Variants in SPTBN4 observed in about 807,000 individuals in gnomAD.
The protein encoded by SPTBN4 is spectrin beta, non-erythrocytic 4.
SPTBN4 carries 96 observed loss-of-function variants against 277.8 expected under a neutral mutation model. The ratio of observed to expected loss-of-function variants is 0.35; its 90% CI spans 0.29 to 0.41. The LOEUF (loss-of-function observed/expected upper bound fraction) is 0.41. SPTBN4 is among the 10% of genes least tolerant of loss of function. The pLI, the probability that SPTBN4 is intolerant of heterozygous loss-of-function variation, is 1.00. For synonymous variants in SPTBN4, 1,481 were observed against 1,580.3 expected (o/e 0.94, Z 1.49); for missense variants, 3,006 against 3,595.7 (o/e 0.84, Z 4.19).
chr19:40,556,996 A>AGC, intron 25 of SPTBN4, 27 bp from the exon 26 acceptor site: 1 of 1,363,602 alleles, frequency 7.3e-7, no homozygotes, highest in Non-Finnish European at 9.8e-7. Context: ...ACTTTGCTGT[A>AGC]CCCCCCCCCC....
intron 33 of SPTBN4, 53 bp from the exon 34 acceptor site, chr19:40,571,965 AG>A (rs2081159540): frequency 6.7e-7 from 1 of 1,486,172 alleles, no homozygotes; most frequent in Admixed American, 2.3e-5. Flanking sequence ...GTTAATGAAG[AG>A]TTATTAGGCA....
intron 20 of SPTBN4, among the ~76,000 whole-genome samples, chr19:40,544,074 C>A (rs1241035125): frequency 6.6e-6 from 1 of 151,732 alleles, no homozygotes; most frequent in Non-Finnish European, 1.5e-5. Flanking sequence ...CATGTGCAAT[C>A]CACTATAAAT....
chr19:40,479,248 G>T (rs2079982084), intron 2 of SPTBN4, among the ~76,000 whole-genome samples: 1 of 152,076 alleles, frequency 6.6e-6, no homozygotes, highest in Non-Finnish European at 1.5e-5. Flanking sequence ...GAGCCCAGGA[G>T]TTTGAGACCG....
chr19:40,542,796 C>A (rs2145913903), intron 20 of SPTBN4, among the ~76,000 whole-genome samples: 1 of 151,862 alleles, frequency 6.6e-6, no homozygotes, highest in Admixed American at 6.6e-5. Context: ...TTCTTTCTTT[C>A]CTTTTTTTTT....
chr19:40,515,297 C>G lies in SPTBN4; in HGVS notation c.2766-14C>G. ...GCAGGGTTCGGGTGTCTGAGCATCT[C>G]CATCCTCCTGCAGATTCGAGAGCCT... On this transcript the variant is annotated splice_polypyrimidine_tract_variant and intron_variant, in intron 14 of 35. Transcript: ENST00000598249. This position sits in a 1 kb window ranked among gnomAD's most constrained non-coding sequence, Gnocchi z 4.1. The G allele has an allele frequency of 6.2e-7, 1 of 1,611,892 alleles. No homozygotes were observed. The highest frequency in any genetic ancestry group is 1.3e-5 in the African/African-American group (1 of 74,974).
intron 15 of SPTBN4, among the ~76,000 whole-genome samples, chr19:40,516,328 G>C (rs1390087486): frequency 6.6e-6 from 1 of 151,510 alleles, no homozygotes; most frequent in Non-Finnish European, 1.5e-5. Context: ...TTTGAGACAG[G>C]ATCTTGCTCT....
At chr19:40,553,851 G>C (rs2080945191) in intron 22 of SPTBN4, among the ~76,000 whole-genome samples, 1 of 152,174 alleles carries the variant, frequency 6.6e-6, no homozygotes. Flanking sequence ...TTGGCTCAGA[G>C]CACAGTCTCT....
In SPTBN4 at chr19:40,502,276, A is replaced by G; in HGVS notation, c.1046A>G (p.Gln349Arg). The G allele has an allele frequency of 6.3e-7, 1 of 1,592,766 alleles. No individual in the cohort carries two copies. Among genetic ancestry groups the G allele is most frequent in the Non-Finnish European group, 8.6e-7 (1 of 1,166,604 alleles). Residue 349 changes from glutamine (Q) to arginine (R), a missense_variant, in exon 9 of 36, where the codon CAG becomes CGG. By Grantham distance (43) the Gln-to-Arg change is conservative. Coordinates refer to ENST00000598249, the MANE Select transcript of SPTBN4 (RefSeq NM_020971.3). The surrounding 1 kb of genome is among the most constrained non-coding windows in gnomAD (Gnocchi z 4.9). ...NSLSGVQQQL[Q>R]AFTAYCTLEK... The stretch of plus-strand genomic sequence containing the variant: ...TTAAGTGGGGTGCAGCAGCAACTCC[A>G]GGCTTTCACGGCCTATTGCACGCTG...
At chr19:40,472,847 C>T (rs971739752) in intron 2 of SPTBN4, 57 bp downstream of exon 2, 16 of 1,438,458 alleles carry the variant, frequency 1.1e-5, no homozygotes, top group Admixed American at 4.5e-5. Flanking sequence ...GAAGGGTGCC[C>T]GAGAACCTTG....
Position 40,490,029 on chromosome 19 carries a change from C to A in SPTBN4, c.322-46C>A, listed in dbSNP as rs112591426. On this transcript the variant is annotated intron_variant, in intron 3 of 35. Transcript: ENST00000598249. This position sits in a 1 kb window ranked among gnomAD's most constrained non-coding sequence, Gnocchi z 4.3. ...GCTGCGGGGCCGAGGGCGCCATACT[C>A]CTGTCTGTCCAGACCCCCGATCGCC... The A allele has an allele frequency of 2.5e-5, 38 of 1,527,616 alleles. 1 individual carries two copies. The African/African-American group carries it at 4.0e-4, about 16-fold the overall frequency. The allele number at this position is 1,527,616 out of a possible 1,614,324, so 94.6% of individuals were successfully genotyped here.
rs773265773 is a variant in SPTBN4 at position 40,487,743 on chromosome 19, C to G, written c.216C>G (p.Asn72Lys). The change falls in exon 3 of 36, where the codon AAC (asparagine) becomes AAG (lysine). Residue 72 changes from asparagine to lysine, a missense_variant. Coordinates refer to ENST00000598249, the MANE Select transcript of SPTBN4 (RefSeq NM_020971.3). ...AGAAAACCTTCACCAAGTGGGTGAA[C>G]TCGCACCTCGCCCGCGTGGGCTGCC... is the stretch of plus-strand genomic sequence containing the variant. ...VQKKTFTKWV[N>K]SHLARVGCHI... 1.9e-6 allele frequency: 3 copies of G among 1,613,606 alleles called. No individual in the cohort carries two copies. Among genetic ancestry groups the G allele is most frequent in the Non-Finnish European group, 2.5e-6 (3 of 1,179,890 alleles).
chr19:40,481,350 C>G (rs537607492), intron 2 of SPTBN4, among the ~76,000 whole-genome samples: 1 of 152,112 alleles, frequency 6.6e-6, no homozygotes, highest in East Asian at 1.9e-4. Flanking sequence ...GCCATGCGCC[C>G]GGCCAAGTGA....
chr19:40,558,356 CA>C (rs879732971), intron 26 of SPTBN4, among the ~76,000 whole-genome samples: 222 of 124,610 alleles, frequency 1.8e-3, no homozygotes, highest in East Asian at 2.1e-3. Context: ...GACTCCATCT[CA>C]AAAAAAAAAA....
intron 2 of SPTBN4, among the ~76,000 whole-genome samples, chr19:40,481,477 T>C (rs1358389291): frequency 6.6e-6 from 1 of 152,008 alleles, no homozygotes; most frequent in Non-Finnish European, 1.5e-5. Context: ...GGTTTTTTGT[T>C]TTGTTTTGTT....
At chr19:40,571,272 A>G (rs547286857) in intron 33 of SPTBN4, among the ~76,000 whole-genome samples, 1 of 152,308 alleles carries the variant, frequency 6.6e-6, no homozygotes, top group East Asian at 1.9e-4. Flanking sequence ...GGAGGGTCCG[A>G]AAACGGGCAG....
At chr19:40,493,214 C>G (rs1428078441) in intron 5 of SPTBN4, among the ~76,000 whole-genome samples, 160 bp downstream of exon 5, 1 of 152,162 alleles carries the variant, frequency 6.6e-6, no homozygotes, top group East Asian at 1.9e-4. Context: ...TCCACTTCTC[C>G]AGCCTTGACT....
chr19:40,493,553 T>C (rs2080161990), intron 5 of SPTBN4, among the ~76,000 whole-genome samples: 1 of 152,058 alleles, frequency 6.6e-6, no homozygotes, highest in South Asian at 2.1e-4. Flanking sequence ...GTTGTTGTTG[T>C]CGTTGTTGTT....
chr19:40,511,619 C>T (rs892770221), intron 13 of SPTBN4, among the ~76,000 whole-genome samples: 13 of 152,234 alleles, frequency 8.5e-5, no homozygotes, highest in Non-Finnish European at 1.6e-4. Flanking sequence ...AGAGGGAGTT[C>T]GGGGTTAAGC....
chr19:40,554,700 C>T lies in SPTBN4; in HGVS notation c.5084+54C>T, dbSNP rs2080957865. Reference sequence around the variant, plus strand: ...AATGGTCCAGCAGGACCTGAAGCTTCGCTGTTGGGAGTTGGCGCAGCGCTG... The same window carrying T: ...AATGGTCCAGCAGGACCTGAAGCTTTGCTGTTGGGAGTTGGCGCAGCGCTG... On this transcript the variant is annotated intron_variant, in intron 24 of 35. Transcript: ENST00000598249. This position sits in a 1 kb window ranked among gnomAD's most constrained non-coding sequence, Gnocchi z 5.7. The T allele has an allele frequency of 1.3e-6, 2 of 1,575,346 alleles. No individual in the cohort carries two copies. The highest frequency in any genetic ancestry group is 1.7e-6 in the Non-Finnish European group (2 of 1,161,380).
Sources: allele counts gnomAD v4.1 joint callset (sites outside exome capture counted in the v4.1 genomes callset), GRCh38; gene constraint gnomAD v4.1.1; non-coding constraint Gnocchi (gnomAD v3.1); transcripts MANE v1.5; gene names NCBI Gene and HGNC (gene_info 2026-07-23, HGNC 2026-07-21).